Variants in SETD5 observed in about 807,000 individuals in gnomAD.
SETD5 encodes the protein histone-lysine N-methyltransferase SETD5.
SETD5 carries 44 observed loss-of-function variants against 153.3 expected under a neutral mutation model. The observed-to-expected ratio is 0.29, with a 90% CI of 0.23 to 0.37. The LOEUF (loss-of-function observed/expected upper bound fraction) is 0.37. Among genes scored for constraint, SETD5 ranks in the 10% least tolerant of loss-of-function variants. The pLI is 1.00. For synonymous variants in SETD5, 716 were observed against 645.2 expected (o/e 1.11, Z -1.66); for missense variants, 1,544 against 1,768.0 (o/e 0.87, Z 2.27).
At chr3:9,433,605 G>A (rs763536724) in intron 3 of SETD5, 2 of 1,214,704 alleles carry the variant, frequency 1.6e-6, no homozygotes, top group Non-Finnish European at 2.2e-6. Flanking sequence ...TATCTCAGGT[G>A]CCTGCCTTCA....
At chr3:9,438,002 C>CA (rs35059227) in intron 7 of SETD5, among the ~76,000 whole-genome samples, 335 of 136,442 alleles carry the variant, frequency 2.5e-3, no homozygotes, top group East Asian at 8.1e-3. Context: ...GACTCCATCT[C>CA]AAAAAAAAAA....
intron 14 of SETD5, 102 bp from the exon 15 acceptor site, chr3:9,447,584 T>G: frequency 2.3e-6 from 3 of 1,305,386 alleles, no homozygotes; most frequent in South Asian, 1.4e-5. Flanking sequence ...AATCCTTATA[T>G]TTTTCATCAG....
At chr3:9,467,199 C>CAAAAAAAAAAAAAAAAAAAAAAAAAAAAA (rs35894304) in intron 18 of SETD5, among the ~76,000 whole-genome samples, 2 of 40,860 alleles carry the variant, frequency 4.9e-5, no homozygotes. Context: ...GACTCTCTCT[C>CAAAAAAAAAAAAAAAAAAAAAAAAAAAAA]AAAAAAAAAA....
At chr3:9,460,637 C>T (rs921182913) in intron 17 of SETD5, among the ~76,000 whole-genome samples, 1 of 151,668 alleles carries the variant, frequency 6.6e-6, no homozygotes, top group African/African-American at 2.4e-5. Flanking sequence ...AGAAGATAAG[C>T]CCAGTATATG....
intron 17 of SETD5, among the ~76,000 whole-genome samples, chr3:9,456,078 A>C (rs552108252): frequency 6.6e-6 from 1 of 152,340 alleles, no homozygotes; most frequent in South Asian, 2.1e-4. Context: ...CAAGAATACC[A>C]AAGAGACATT....
rs757054828 is a variant in SETD5, at chr3:9,433,941, G to T, written c.168G>T (p.Leu56=). 2 of 1,613,916 alleles carry T rather than the reference G, an allele frequency of 1.2e-6. No individual in the cohort carries two copies. The highest frequency in any genetic ancestry group is 4.5e-5 in the East Asian group (2 of 44,880). The change falls in exon 4 of 23, where the codon CTG becomes CTT. Residue 56 remains leucine (L), a synonymous_variant. Transcript: ENST00000402198. ...CTCAGAGGCATGGGTGTCGAGGACT[G>T]CCTTATGCTGTGAGTATGCATTTGT... The part of the protein sequence containing the change: ...GTTQRHGCRG[L]PYATIIPRSD...
intron 3 of SETD5, among the ~76,000 whole-genome samples, chr3:9,429,524 A>G (rs2039718888): frequency 6.6e-6 from 1 of 152,174 alleles, no homozygotes; most frequent in African/African-American, 2.4e-5. Context: ...TTCGTTGCCT[A>G]GAAAGAGGAC....
In SETD5 at chr3:9,445,965, G is replaced by GTTTTTTTTTTTTTTTT. The variant is rs376821559; in HGVS notation, c.1524+233_1524+248dup. The stretch of plus-strand genomic sequence containing the variant: ...TATCTAGTGATGGTTTGAAGAGGTT[G>GTTTTTTTTTTTTTTTT]TTTTTTTTTTTTTTTTTTTTTTTAC... On this transcript the variant is annotated intron_variant, in intron 13 of 22. Transcript: ENST00000402198. 5.4e-4 allele frequency among the ~76,000 whole-genome samples: 47 copies of GTTTTTTTTTTTTTTTT among 86,458 alleles called. 1 individual carries two copies. Among genetic ancestry groups the GTTTTTTTTTTTTTTTT allele is most frequent in the African/African-American group, 2.2e-3 (47 of 21,376 alleles). 56.7% of individuals were successfully genotyped at this position (86,458 alleles called of 152,430 possible). A position where few individuals can be genotyped will look rare whatever the true frequency, so the allele number is the denominator to read the frequency against.
At chr3:9,470,393 C>T in intron 18 of SETD5, 66 bp from the exon 19 acceptor site, 1 of 1,240,424 alleles carries the variant, frequency 8.1e-7, no homozygotes, top group Non-Finnish European at 1.2e-6. Flanking sequence ...CTCTCCCCTC[C>T]TTTCTGCCCT....
chr3:9,463,546 AAG>A (rs2125488111), intron 17 of SETD5, among the ~76,000 whole-genome samples: 1 of 152,340 alleles, frequency 6.6e-6, no homozygotes, highest in East Asian at 1.9e-4. Flanking sequence ...AAGTGGATCT[AAG>A]AAGTACAGAA....
intron 2 of SETD5, among the ~76,000 whole-genome samples, chr3:9,424,967 A>G (rs1184351358): frequency 6.6e-6 from 1 of 152,140 alleles, no homozygotes; most frequent in African/African-American, 2.4e-5. Context: ...TGCTTTCATC[A>G]GAAGAATGAA....
intron 2 of SETD5, among the ~76,000 whole-genome samples, chr3:9,425,079 G>A (rs1322763600): frequency 8.9e-5 from 2 of 22,578 alleles, no homozygotes; most frequent in Non-Finnish European, 1.6e-4. Context: ...TTTTTTTTTT[G>A]AGACAGAGTA....
intron 6 of SETD5, 29 bp from the exon 7 acceptor site, chr3:9,435,699 A>G (rs1294638313): frequency 6.5e-7 from 1 of 1,539,792 alleles, no homozygotes; most frequent in East Asian, 2.3e-5. Flanking sequence ...GGCTATTAGT[A>G]CCTGAACTAT....
chr3:9,446,435 A>T (rs543783338), intron 13 of SETD5, among the ~76,000 whole-genome samples: 1 of 151,794 alleles, frequency 6.6e-6, no homozygotes, highest in Non-Finnish European at 1.5e-5. Flanking sequence ...ATATGAACTA[A>T]AATTTTCTAC....
At chr3:9,475,392 A>T in intron 22 of SETD5, 91 bp from the exon 23 acceptor site, 1 of 1,502,594 alleles carries the variant, frequency 6.7e-7, no homozygotes, top group Non-Finnish European at 8.9e-7. Context: ...TTAAAAGATG[A>T]AGAAAAAAGA....
intron 9 of SETD5, 73 bp downstream of exon 9, chr3:9,441,814 C>G: frequency 6.3e-7 from 1 of 1,580,038 alleles, no homozygotes. Flanking sequence ...AAAAATCATT[C>G]TGTTTGATAA....
At chr3:9,429,050 G>T (rs1483190351) in intron 3 of SETD5, 41 bp downstream of exon 3, 2 of 1,445,020 alleles carry the variant, frequency 1.4e-6, no homozygotes, top group Non-Finnish European at 1.9e-6. Flanking sequence ...TTATCAGTCT[G>T]TGTGGAGACA....
In SETD5 at chr3:9,477,366, CT is replaced by C. The variant is rs1412988643; in HGVS notation, c.*1276del. The C allele has an allele frequency of 6.6e-6, 1 of 152,606 alleles. No individual in the cohort carries two copies. The highest frequency in any genetic ancestry group is 1.5e-5 in the Non-Finnish European group (1 of 68,030). The allele number at this position is 152,606 out of a possible 1,614,324, so 9.5% of individuals were successfully genotyped here. On this transcript the variant is annotated 3_prime_UTR_variant, in exon 23 of 23. Coordinates refer to ENST00000402198, the MANE Select transcript of SETD5 (RefSeq NM_001080517.3). ...CCAGCTTATTTCTTTCACTTGTTTA[CT>C]GTAATATCTGGCGTGTTTTTATTTA...
At chr3:9,423,000 TG>T (rs1465074223) in intron 1 of SETD5, among the ~76,000 whole-genome samples, 3 of 152,250 alleles carry the variant, frequency 2.0e-5, no homozygotes, top group Non-Finnish European at 4.4e-5. Flanking sequence ...GAAGCAGACT[TG>T]TTCTGAATTT....
Sources: allele counts gnomAD v4.1 joint callset (sites outside exome capture counted in the v4.1 genomes callset), GRCh38; gene constraint gnomAD v4.1.1; transcripts MANE v1.5; gene names NCBI Gene and HGNC (gene_info 2026-07-23, HGNC 2026-07-21).